ROS1: variants seen among roughly 807,000 people sequenced by gnomAD.
ROS1 encodes proto-oncogene tyrosine-protein kinase ROS.
ROS1 carries 263 observed loss-of-function variants against 273.5 expected under a neutral mutation model. That is an observed-to-expected ratio of 0.96 (90% CI 0.87 to 1.06). The LOEUF is 1.06. Ranked by LOEUF, ROS1 falls within the 50% of genes least tolerant of loss-of-function variation. ROS1 has a pLI of 0.00. For synonymous variants in ROS1, 1,008 were observed against 954.1 expected, an observed-to-expected ratio of 1.06 and a Z score of -1.04; for missense variants, 2,833 against 2,751.1, an observed-to-expected ratio of 1.03 and a Z score of -0.67.
intron 17 of ROS1, among the ~76,000 whole-genome samples, chr6:117,380,437 C>T (rs898064523): frequency 1.5e-4 from 23 of 151,950 alleles, no homozygotes; most frequent in African/African-American, 5.6e-4. Context: ...TGTATTCTGG[C>T]AATTCTCAGC....
chr6:117,389,756 C>T lies in ROS1; in HGVS notation c.1380G>A (p.Glu460=), dbSNP rs150813251. ...TTGCAAAGTCCTTTAACGTGCAACT[C>T]TCCACAATACGCACAGCTTCTGCAC... The part of the protein sequence containing the change: ...GRCAEAVRIV[E]SCTLKDFAIK... The change falls in exon 13 of 44, where the codon GAG becomes GAA. Residue 460 remains glutamate, a synonymous_variant. Transcript: ENST00000368507. 506 of 1,614,146 alleles carry T rather than the reference C, an allele frequency of 3.1e-4. No individual in the cohort carries two copies. The highest frequency in any genetic ancestry group is 8.2e-4 in the Middle Eastern group (5 of 6,062).
chr6:117,319,687 A>T (rs1023520603), intron 37 of ROS1, among the ~76,000 whole-genome samples, 181 bp downstream of exon 37: 2 of 152,192 alleles, frequency 1.3e-5, no homozygotes, highest in African/African-American at 2.4e-5. Context: ...GATTACAAAC[A>T]ATGTTCCTAT....
At position 117,425,420 on chromosome 6, in the gene ROS1, C is replaced by CAA. The variant is rs2128753084; in HGVS notation, c.123+113_123+114insTT. 19 of 1,045,556 alleles carry CAA rather than the reference C, an allele frequency of 1.8e-5. No individual in the cohort carries two copies. In the South Asian group the frequency reaches 3.3e-4, roughly 18 times the overall value. The allele number at this position is 1,045,556 out of a possible 1,614,324, so 64.8% of individuals were successfully genotyped here. A position where few individuals can be genotyped will look rare whatever the true frequency, so the allele number is the denominator to read the frequency against. Reference sequence around the variant, plus strand: ...AATAATCTATCTTGCCTTGTTGCCACCACTTCTCATAAGAAAACTCCTCAT... The same window carrying CAA: ...AATAATCTATCTTGCCTTGTTGCCACAACACTTCTCATAAGAAAACTCCTCAT... On this transcript the variant is annotated intron_variant, in intron 1 of 43. Coordinates refer to ENST00000368507, the MANE Select transcript of ROS1 (RefSeq NM_001378902.1).
chr6:117,337,344 GA>G lies in ROS1; in HGVS notation c.5062-5del. ...GGTAAAACTCATTGTATTTCCACTA[GA>G]AAAAGAAGTCTCGATTAATATTTTT... is the stretch of plus-strand genomic sequence containing the variant. On this transcript the variant is annotated splice_polypyrimidine_tract_variant and splice_region_variant and intron_variant, in intron 31 of 43. Transcript: ENST00000368507. 6.3e-7 allele frequency: 1 copy of G among 1,582,690 alleles called. No homozygotes were observed. The highest frequency in any genetic ancestry group is 1.4e-5 in the African/African-American group (1 of 72,938).
At chr6:117,406,729 G>A (rs937697488) in intron 5 of ROS1, among the ~76,000 whole-genome samples, 1 of 152,166 alleles carries the variant, frequency 6.6e-6, no homozygotes, top group Non-Finnish European at 1.5e-5. Context: ...CACTTAATAA[G>A]TATGTGTTAA....
intron 31 of ROS1, among the ~76,000 whole-genome samples, chr6:117,339,356 C>G (rs1450527508): frequency 3.3e-5 from 5 of 152,134 alleles, no homozygotes; most frequent in Non-Finnish European, 7.4e-5. Flanking sequence ...CTAGTTCCCT[C>G]ATTTTTCAGA....
intron 42 of ROS1, among the ~76,000 whole-genome samples, chr6:117,307,767 C>G (rs942632339): frequency 4.6e-5 from 7 of 152,054 alleles, no homozygotes; most frequent in African/African-American, 1.7e-4. Context: ...ACCAAGGTGC[C>G]CAGCTCTTAA....
chr6:117,326,587 T>C (rs186149659), intron 33 of ROS1, among the ~76,000 whole-genome samples, 173 bp from the exon 34 acceptor site: 16 of 152,248 alleles, frequency 1.1e-4, no homozygotes, highest in African/African-American at 3.4e-4. Flanking sequence ...CATGGTTTTA[T>C]AGTGATCCTA....
chr6:117,392,632 T>C (rs142960978), intron 12 of ROS1, among the ~76,000 whole-genome samples: 133 of 152,296 alleles, frequency 8.7e-4, no homozygotes, highest in African/African-American at 3.1e-3. Context: ...AAATCAATGG[T>C]CATAGACATG....
rs143434059 is a variant in ROS1 at position 117,288,551 on chromosome 6, G to A, written c.6967C>T (p.Pro2323Ser). ...AGACAGGCATAGTTCAGGCCTTCAG[G>A]CTTGCCAGAAGGGCAGTAAGCCACT... Reference protein sequence around the residue: ...KQVAYCPSGKPEGLNYACLTH... With the variant: ...KQVAYCPSGKSEGLNYACLTH... The change falls in exon 44 of 44, where the codon CCT becomes TCT. Residue 2323 changes from proline to serine, a missense_variant. Transcript: ENST00000368507. 1 of 1,614,016 alleles carries A rather than the reference G, an allele frequency of 6.2e-7. No homozygotes were observed. The highest frequency in any genetic ancestry group is 1.7e-5 in the Admixed American group (1 of 59,998).
At chr6:117,409,472 T>C (rs1774717793) in intron 5 of ROS1, 110 bp downstream of exon 5, 1 of 775,376 alleles carries the variant, frequency 1.3e-6, no homozygotes, top group South Asian at 1.5e-5. Context: ...TTTGATCATA[T>C]TGAGATGCAG....
intron 43 of ROS1, among the ~76,000 whole-genome samples, chr6:117,289,277 T>C (rs1773656443): frequency 6.6e-6 from 1 of 152,236 alleles, no homozygotes; most frequent in Admixed American, 6.5e-5. Context: ...GCTAAATTAA[T>C]TGCTTAATGT....
At position 117,414,534 on chromosome 6, in the gene ROS1, A is replaced by G. The variant is rs751554718; in HGVS notation, c.240T>C (p.Tyr80=). ...KNCALKCNDT[Y]ATVCERESCE... ...GCCAACTCACCTCACAAACGGTGGC[A>G]TAAGTATCATTCTGCATAGAAAAAA... The change falls in exon 4 of 44, where the codon TAT becomes TAC. Residue 80 remains tyrosine, a synonymous_variant. Transcript: ENST00000368507. 29 of 732,758 alleles carry G rather than the reference A, an allele frequency of 4.0e-5. No homozygotes were observed. Among genetic ancestry groups the G allele is most frequent in the Non-Finnish European group, 6.7e-5 (27 of 405,754 alleles). 45.4% of individuals were successfully genotyped at this position (732,758 alleles called of 1,614,324 possible).
chr6:117,323,623 A>G (rs182767046), intron 35 of ROS1, among the ~76,000 whole-genome samples: 168 of 152,306 alleles, frequency 1.1e-3, no homozygotes, highest in African/African-American at 3.7e-3. Context: ...GAAATAAACA[A>G]GAATGTATGA....
In ROS1 at chr6:117,365,212, A is replaced by G. The variant is rs760526065; in HGVS notation, c.2959-8T>C. On this transcript the variant is annotated splice_region_variant and splice_polypyrimidine_tract_variant and intron_variant, in intron 20 of 43. Transcript: ENST00000368507. ...TTGTTCACTAGCCAAGAACTAAAAT[A>G]TAAACAGAAAACATTATTTTCTCAG... The G allele has an allele frequency of 1.9e-6, 3 of 1,574,038 alleles. No individual in the cohort carries two copies. Among genetic ancestry groups the G allele is most frequent in the Non-Finnish European group, 2.6e-6 (3 of 1,159,536 alleles).
intron 26 of ROS1, among the ~76,000 whole-genome samples, chr6:117,355,069 C>G (rs1779195240): frequency 6.6e-6 from 1 of 152,148 alleles, no homozygotes; most frequent in African/African-American, 2.4e-5. Context: ...AGATGAAGAA[C>G]TTGATCAGGT....
rs1171997618 is a variant in ROS1 at position 117,366,539 on chromosome 6, A to G, written c.2583-249T>C. Among the ~76,000 whole-genome samples, 3 of 151,994 alleles carry G rather than the reference A, an allele frequency of 2.0e-5. No homozygotes were observed. In the South Asian group the frequency reaches 6.2e-4, roughly 32 times the overall value. The stretch of plus-strand genomic sequence containing the variant: ...GGCTTTCCTTGTTTCTTTGAGATGG[A>G]GTCTCACTCTGTTGCCCAAGCTGGA... On this transcript the variant is annotated intron_variant, in intron 18 of 43. Transcript: ENST00000368507.
chr6:117,341,012 C>T, intron 31 of ROS1, 123 bp downstream of exon 31: 2 of 653,174 alleles, frequency 3.1e-6, no homozygotes, highest in Non-Finnish European at 5.1e-6. Context: ...GCATGCCAAA[C>T]ATAAATCAAT....
Position 117,389,814 on chromosome 6 carries a change from T to C in ROS1, c.1322A>G (p.Tyr441Cys). 3 of 1,610,838 alleles carry C rather than the reference T, an allele frequency of 1.9e-6. No individual in the cohort carries two copies. The highest frequency in any genetic ancestry group is 2.5e-6 in the Non-Finnish European group (3 of 1,177,244). ...YVFYLLRDGIYRADLPVPSGR... is the reference protein window; with the variant it reads ...YVFYLLRDGICRADLPVPSGR... ...AGATGGTACAGGAAGGTCTGCTCTA[T>C]AAATGCCATCTCTCAGGAGGTAAAA... The change falls in exon 13 of 44, where the codon TAT (tyrosine) becomes TGT (cysteine). Residue 441 changes from tyrosine to cysteine, a missense_variant. By Grantham distance (194) the Tyr-to-Cys change is radical. Coordinates refer to ENST00000368507, the MANE Select transcript of ROS1 (RefSeq NM_001378902.1).
Sources: allele counts gnomAD v4.1 joint callset (sites outside exome capture counted in the v4.1 genomes callset), GRCh38; gene constraint gnomAD v4.1.1; transcripts MANE v1.5; gene names NCBI Gene and HGNC (gene_info 2026-07-23, HGNC 2026-07-21).